Variants in CMSS1 observed in about 807,000 individuals in gnomAD.
CMSS1 encodes the protein cms1 ribosomal small subunit homolog.
CMSS1 carries 33 observed loss-of-function variants against 43.5 expected under a neutral mutation model. The ratio of observed to expected loss-of-function variants is 0.76; its 90% confidence interval spans 0.57 to 1.01. The LOEUF is 1.01. CMSS1 is among the 50% of genes least tolerant of loss of function. CMSS1 has a pLI of 0.00. For synonymous variants in CMSS1, 115 were observed against 117.2 expected, an observed-to-expected ratio of 0.98 and a Z score of 0.12; for missense variants, 313 against 326.4, an observed-to-expected ratio of 0.96 and a Z score of 0.32.
Position 99,850,383 on chromosome 3 carries a change from T to G in CMSS1, c.64+32340T>G, listed in dbSNP as rs763119776. ...CTTGTTTGCTTTTGTTGAAAGCGTCTTCTAACTTTTCCAGAGCCATAATTC... is the reference window on the plus strand; with the variant it reads ...CTTGTTTGCTTTTGTTGAAAGCGTCGTCTAACTTTTCCAGAGCCATAATTC... On this transcript the variant is annotated intron_variant, in intron 1 of 9. Coordinates refer to ENST00000421999, the MANE Select transcript of CMSS1 (RefSeq NM_032359.4). 1.2e-5 allele frequency: 20 copies of G among 1,613,418 alleles called. No homozygotes were observed. In the South Asian group the frequency reaches 2.0e-4, roughly 16 times the overall value.
chr3:99,904,579 C>T (rs543379486), intron 1 of CMSS1, among the ~76,000 whole-genome samples: 7 of 151,956 alleles, frequency 4.6e-5, no homozygotes, highest in South Asian at 2.1e-4. Context: ...CATAGTAAGC[C>T]TTGAGGTTTC....
intron 1 of CMSS1, among the ~76,000 whole-genome samples, chr3:99,971,253 T>C (rs1312912711): frequency 6.7e-6 from 1 of 148,256 alleles, no homozygotes; most frequent in Non-Finnish European, 1.5e-5. Context: ...GGCAGGAGAA[T>C]GGCGTGAACC....
intron 1 of CMSS1, among the ~76,000 whole-genome samples, chr3:100,101,593 G>A (rs566987726): frequency 2.0e-5 from 3 of 152,246 alleles, no homozygotes; most frequent in African/African-American, 7.2e-5. Flanking sequence ...GTCCAACACA[G>A]GAGGGGTTGG....
At chr3:100,104,757 A>G (rs938817975) in intron 1 of CMSS1, among the ~76,000 whole-genome samples, 1 of 152,170 alleles carries the variant, frequency 6.6e-6, no homozygotes, top group African/African-American at 2.4e-5. Flanking sequence ...AACTTTCATC[A>G]AGAGAAACTC....
chr3:99,819,410 T>C (rs1037826851), intron 1 of CMSS1, among the ~76,000 whole-genome samples: 1 of 152,244 alleles, frequency 6.6e-6, no homozygotes, highest in Non-Finnish European at 1.5e-5. Flanking sequence ...TGTGTGACTT[T>C]CAAGTTATTC....
At chr3:99,905,488 C>T (rs1438376991) in intron 1 of CMSS1, among the ~76,000 whole-genome samples, 2 of 152,224 alleles carry the variant, frequency 1.3e-5, no homozygotes, top group Non-Finnish European at 2.9e-5. Context: ...GAACATGTAA[C>T]ATACTCCATT....
At chr3:100,095,969 A>G (rs1400978259) in intron 1 of CMSS1, among the ~76,000 whole-genome samples, 2 of 152,192 alleles carry the variant, frequency 1.3e-5, no homozygotes, top group Admixed American at 1.3e-4. Context: ...TAAGATTTGA[A>G]TAGACATTTC....
intron 1 of CMSS1, among the ~76,000 whole-genome samples, chr3:99,986,051 T>C (rs1205747744): frequency 1.3e-5 from 2 of 152,256 alleles, no homozygotes; most frequent in Non-Finnish European, 2.9e-5. Context: ...AAGAAGTTTA[T>C]TCACAGATAA....
intron 1 of CMSS1, among the ~76,000 whole-genome samples, chr3:100,086,811 G>A (rs557909030): frequency 7.9e-4 from 121 of 152,270 alleles, no homozygotes; most frequent in Non-Finnish European, 1.6e-3. Context: ...TAATCAAAAT[G>A]CAAAGCACTT....
intron 1 of CMSS1, among the ~76,000 whole-genome samples, chr3:99,896,365 G>A (rs549480753): frequency 1.3e-5 from 2 of 152,294 alleles, no homozygotes; most frequent in South Asian, 4.1e-4. Context: ...TCTAGAGAGA[G>A]GCTGTTTCAT....
chr3:100,129,339 T>G (rs1048219109), intron 1 of CMSS1, among the ~76,000 whole-genome samples: 1 of 152,166 alleles, frequency 6.6e-6, no homozygotes, highest in South Asian at 2.1e-4. Context: ...TTCATAATTC[T>G]TAGTAGGGAA....
At position 100,093,869 on chromosome 3, in the gene CMSS1, G is replaced by A. The variant is rs143997461; in HGVS notation, c.65-53104G>A. Among the ~76,000 whole-genome samples the A allele has an allele frequency of 4.3e-3, 654 of 152,116 alleles. 2 individuals carry two copies. The highest frequency in any genetic ancestry group is 7.4e-3 in the Non-Finnish European group (505 of 67,980). Reference sequence around the variant, plus strand: ...CACAATTTTCTGAAGAGTTATCTAGGACATCTGAGTTTTTTCCATTTTTTG... The same window carrying A: ...CACAATTTTCTGAAGAGTTATCTAGAACATCTGAGTTTTTTCCATTTTTTG... On this transcript the variant is annotated intron_variant, in intron 1 of 9. Coordinates refer to ENST00000421999, the MANE Select transcript of CMSS1 (RefSeq NM_032359.4).
At chr3:100,098,377 A>C (rs1288047808) in intron 1 of CMSS1, among the ~76,000 whole-genome samples, 1 of 152,144 alleles carries the variant, frequency 6.6e-6, no homozygotes, top group African/African-American at 2.4e-5. Flanking sequence ...CAGTTACTGA[A>C]CTTCTCTCAG....
chr3:99,915,522 G>A (rs1349338479), intron 1 of CMSS1, among the ~76,000 whole-genome samples: 1 of 152,036 alleles, frequency 6.6e-6, no homozygotes, highest in African/African-American at 2.4e-5. Flanking sequence ...GTTCAGTCTT[G>A]ATTTCGCATA....
intron 1 of CMSS1, among the ~76,000 whole-genome samples, chr3:100,045,925 G>A (rs1298277522): frequency 6.6e-6 from 1 of 152,132 alleles, no homozygotes; most frequent in Non-Finnish European, 1.5e-5. Flanking sequence ...CTGGGGAAGG[G>A]GGAGGAGGCG....
At chr3:99,865,166 T>C (rs1944452311) in intron 1 of CMSS1, among the ~76,000 whole-genome samples, 1 of 152,182 alleles carries the variant, frequency 6.6e-6, no homozygotes, top group Non-Finnish European at 1.5e-5. Flanking sequence ...CCATGTACCG[T>C]GTTAGTCCTG....
chr3:100,030,785 C>T (rs2065010247), intron 1 of CMSS1, among the ~76,000 whole-genome samples: 1 of 152,108 alleles, frequency 6.6e-6, no homozygotes, highest in Admixed American at 6.6e-5. Flanking sequence ...GTTTTCCCTC[C>T]CTGTAGCAAG....
intron 1 of CMSS1, chr3:99,850,960 G>T: frequency 6.2e-7 from 1 of 1,614,142 alleles, no homozygotes; most frequent in South Asian, 1.1e-5. Context: ...CACCATCAAA[G>T]CAAAAGACTT....
At chr3:99,830,143 A>G (rs951343331) in intron 1 of CMSS1, 1 of 228,086 alleles carries the variant, frequency 4.4e-6, no homozygotes, top group Non-Finnish European at 9.0e-6. Context: ...CTGATTCTAG[A>G]TAGTTCATCT....
Sources: allele counts gnomAD v4.1 joint callset (sites outside exome capture counted in the v4.1 genomes callset), GRCh38; gene constraint gnomAD v4.1.1; transcripts MANE v1.5; gene names NCBI Gene and HGNC (gene_info 2026-07-23, HGNC 2026-07-21).